Variants in PCDHGB3 observed in about 807,000 individuals in gnomAD.
PCDHGB3 encodes the protein protocadherin gamma subfamily B, 3.
PCDHGB3 carries 40 observed loss-of-function variants against 59.2 expected under a neutral mutation model. The ratio of observed to expected loss-of-function variants is 0.68; its 90% CI spans 0.52 to 0.88. The LOEUF is 0.88. Ranked by LOEUF, PCDHGB3 falls within the 40% of genes least tolerant of loss-of-function variation. The pLI is 0.00. For missense variants in PCDHGB3, 1,309 were observed against 1,187.9 expected (o/e 1.10, Z -1.50); for synonymous variants, 581 against 503.6 (o/e 1.15, Z -2.06).
In PCDHGB3 at chr5:141,403,718, C is replaced by T. The variant is rs77227638; in HGVS notation, c.2415+30909C>T. 9.8e-3 allele frequency: 15,884 copies of T among 1,613,838 alleles called. 137 individuals carry two copies. The highest frequency in any genetic ancestry group is 0.011 in the Non-Finnish European group (12,686 of 1,179,868). ...CCGAGTTAAAGTCCTTGAGAACGTG[C>T]CCCCAGGCACCTGGCTGCTTACTGC... On this transcript the variant is annotated intron_variant, in intron 1 of 3. Coordinates refer to ENST00000576222, the MANE Select transcript of PCDHGB3 (RefSeq NM_018924.5).
Position 141,491,623 on chromosome 5 carries a change from G to T in PCDHGB3, c.2416-3184G>T. 1 of 1,613,930 alleles carries T rather than the reference G, an allele frequency of 6.2e-7. No homozygotes were observed. The highest frequency in any genetic ancestry group is 1.1e-5 in the South Asian group (1 of 91,084). On this transcript the variant is annotated intron_variant, in intron 1 of 3. Transcript: ENST00000576222. This position sits in a 1 kb window ranked among gnomAD's most constrained non-coding sequence, Gnocchi z 6.9. ...CTTCACTTTTCTAAGACCCCTCAGC[G>T]TTCAGCAGCCCACAGCTCTGGCGCT...
chr5:141,409,828 C>CG (rs2095322406), intron 1 of PCDHGB3: 1 of 1,611,010 alleles, frequency 6.2e-7, no homozygotes, highest in African/African-American at 1.3e-5. Flanking sequence ...CGCCCACGCT[C>CG]AGCGCCAACG....
chr5:141,416,178 C>G (rs1392436592), intron 1 of PCDHGB3: 3 of 152,408 alleles, frequency 2.0e-5, no homozygotes, highest in African/African-American at 2.4e-5. Context: ...CTAAGTTTTT[C>G]ATTAATATTG....
intron 1 of PCDHGB3, chr5:141,385,892 G>A (rs544548013): frequency 1.3e-5 from 2 of 152,934 alleles, no homozygotes; most frequent in South Asian, 2.1e-4. Context: ...AGAATGAAAT[G>A]TGTGTGTATC....
chr5:141,435,883 C>A (rs1458527952), intron 1 of PCDHGB3, among the ~76,000 whole-genome samples: 1 of 152,020 alleles, frequency 6.6e-6, no homozygotes, highest in African/African-American at 2.4e-5. Flanking sequence ...GATTGGAAAC[C>A]CCTTAGAGAA....
chr5:141,491,311 A>G lies in PCDHGB3; in HGVS notation c.2416-3496A>G. On this transcript the variant is annotated intron_variant, in intron 1 of 3. Transcript: ENST00000576222. This position sits in a 1 kb window ranked among gnomAD's most constrained non-coding sequence, Gnocchi z 6.9. The stretch of plus-strand genomic sequence containing the variant: ...ACACCCTCCTGAGCGTTCAGACCTT[A>G]CCCTTTACCTCATTGTGGCTCTAGC... 1 of 1,613,932 alleles carries G rather than the reference A, an allele frequency of 6.2e-7. No homozygotes were observed. Among genetic ancestry groups the G allele is most frequent in the Non-Finnish European group, 8.5e-7 (1 of 1,179,940 alleles).
chr5:141,404,906 C>G, intron 1 of PCDHGB3: 8 of 1,613,864 alleles, frequency 5.0e-6, no homozygotes, highest in Non-Finnish European at 5.1e-6. Context: ...CCATGGCCAG[C>G]CCCCTCTCTC....
intron 1 of PCDHGB3, chr5:141,404,795 G>A (rs769293241): frequency 5.0e-6 from 8 of 1,613,924 alleles, no homozygotes; most frequent in Admixed American, 1.7e-5. Flanking sequence ...CAGTGAGCCA[G>A]GGCTCTTCTC....
intron 1 of PCDHGB3, chr5:141,410,258 G>A: frequency 6.2e-7 from 1 of 1,614,022 alleles, no homozygotes; most frequent in East Asian, 2.2e-5. Context: ...TGACCCCCAG[G>A]CTGAACTGCA....
At chr5:141,401,548 G>T (rs1291544476) in intron 1 of PCDHGB3, among the ~76,000 whole-genome samples, 1 of 152,162 alleles carries the variant, frequency 6.6e-6, no homozygotes, top group Non-Finnish European at 1.5e-5. Context: ...AAAAGGAAAT[G>T]CTATTGCCTG....
At chr5:141,399,957 C>T in intron 1 of PCDHGB3, 5 of 1,612,212 alleles carry the variant, frequency 3.1e-6, no homozygotes, top group South Asian at 1.1e-5. Flanking sequence ...CTAGCGAGCC[C>T]GGGCTCTTCA....
intron 1 of PCDHGB3, chr5:141,414,584 C>G (rs1359132446): frequency 3.1e-6 from 5 of 1,613,956 alleles, no homozygotes; most frequent in Non-Finnish European, 4.2e-6. Context: ...GAGAACAACG[C>G]CAGGGGTGCC....
chr5:141,494,977 T>C, intron 2 of PCDHGB3, 112 bp downstream of exon 2: 1 of 1,574,332 alleles, frequency 6.4e-7, no homozygotes, highest in East Asian at 2.3e-5. Context: ...TCTCCCTCAG[T>C]TTGAGATCCC....
At chr5:141,427,280 A>G (rs1351534612) in intron 1 of PCDHGB3, 3 of 456,834 alleles carry the variant, frequency 6.6e-6, no homozygotes, top group Non-Finnish European at 8.8e-6. Context: ...GTAAAATTAT[A>G]CTAGAAATCC....
chr5:141,403,201 C>G (rs1486888915), intron 1 of PCDHGB3: 1 of 1,614,002 alleles, frequency 6.2e-7, no homozygotes, highest in East Asian at 2.2e-5. Context: ...GCAGCGGCAC[C>G]TTGGTCACCG....
intron 1 of PCDHGB3, chr5:141,375,280 C>A (rs771324220): frequency 6.2e-7 from 1 of 1,613,794 alleles, no homozygotes; most frequent in Admixed American, 1.7e-5. Flanking sequence ...AATCAGTTGG[C>A]AATTATTATC....
intron 1 of PCDHGB3, chr5:141,388,302 C>G: frequency 6.2e-7 from 1 of 1,613,700 alleles, no homozygotes; most frequent in Non-Finnish European, 8.5e-7. Context: ...TTCCTTTGAG[C>G]TGCAAATAAG....
Position 141,419,336 on chromosome 5 carries a change from G to A in PCDHGB3, c.2415+46527G>A, listed in dbSNP as rs762064534. 6.8e-6 allele frequency: 11 copies of A among 1,613,772 alleles called. No individual in the cohort carries two copies. In the African/African-American group the frequency reaches 1.3e-4, roughly 20 times the overall value. ...CGGCCGTGTCTCCTACTCTCTCATT[G>A]CCAGCGACCTGGAGTCACGAACGCT... On this transcript the variant is annotated intron_variant, in intron 1 of 3. Coordinates refer to ENST00000576222, the MANE Select transcript of PCDHGB3 (RefSeq NM_018924.5).
intron 1 of PCDHGB3, among the ~76,000 whole-genome samples, chr5:141,460,365 A>G (rs887924740): frequency 6.6e-6 from 1 of 152,180 alleles, no homozygotes; most frequent in African/African-American, 2.4e-5. Context: ...TAGAAGTTTT[A>G]TAGTTTTACC....
Sources: gnomAD v4.1 joint callset for allele counts (sites outside exome capture counted in the v4.1 genomes callset) on GRCh38, gnomAD v4.1.1 for gene constraint, Gnocchi (gnomAD v3.1) non-coding constraint, MANE v1.5 for transcripts, NCBI Gene and HGNC (gene_info 2026-07-23, HGNC 2026-07-21) for gene names.